The following VLDLR variants were observed in gnomAD, a reference collection of about 807,000 sequenced individuals.
The protein encoded by VLDLR is very low density lipoprotein receptor.
VLDLR carries 81 observed loss-of-function variants against 112.7 expected under a neutral mutation model. That is an observed-to-expected ratio of 0.72 (90% CI 0.60 to 0.86). VLDLR has a LOEUF of 0.86. Among genes scored for constraint, VLDLR ranks in the 40% least tolerant of loss-of-function variants. VLDLR has a pLI of 0.00. For synonymous variants in VLDLR, 436 were observed against 384.8 expected, an observed-to-expected ratio of 1.13 and a Z score of -1.56; for missense variants, 1,237 against 1,099.4, an observed-to-expected ratio of 1.13 and a Z score of -1.77.
intron 1 of VLDLR, among the ~76,000 whole-genome samples, chr9:2,633,031 GGAGA>G (rs71329438): frequency 0.019 from 2,636 of 138,508 alleles, 56 homozygotes; most frequent in African/African-American, 0.045. Flanking sequence ...ACTCCTTATT[GGAGA>G]GAGAGAGAGA....
At chr9:2,622,725 A>C (rs1816878256) in intron 1 of VLDLR, among the ~76,000 whole-genome samples, 4 of 152,124 alleles carry the variant, frequency 2.6e-5, no homozygotes, top group Admixed American at 2.6e-4. Flanking sequence ...CGGGGGGAGA[A>C]GGTGAGCGCC....
chr9:2,622,112 T>G lies in VLDLR; in HGVS notation c.-78T>G. The G allele has an allele frequency of 1.3e-5, 18 of 1,357,352 alleles. No homozygotes were observed. The highest frequency in any genetic ancestry group is 1.6e-5 in the Non-Finnish European group (16 of 1,024,890). 84.1% of individuals were successfully genotyped at this position (1,357,352 alleles called of 1,614,324 possible). A position where few individuals can be genotyped will look rare whatever the true frequency, so the allele number is the denominator to read the frequency against. On this transcript the variant is annotated 5_prime_UTR_variant, in exon 1 of 19. Transcript: ENST00000382100. ...TCCCCGCCCCCACCTTCTTCCTCCT[T>G]TCGGAAGGACTGGTAACTTGTCGTG...
At chr9:2,627,190 A>G (rs1174058349) in intron 1 of VLDLR, among the ~76,000 whole-genome samples, 1 of 152,266 alleles carries the variant, frequency 6.6e-6, no homozygotes, top group Non-Finnish European at 1.5e-5. Context: ...TAATCATAAA[A>G]GAGGCAGATA....
At chr9:2,629,166 G>T (rs536098804) in intron 1 of VLDLR, among the ~76,000 whole-genome samples, 18 of 152,370 alleles carry the variant, frequency 1.2e-4, no homozygotes, top group African/African-American at 4.3e-4. Context: ...AGCATTCTGT[G>T]TTTTAACAAG....
rs766381159 is a variant in VLDLR at position 2,650,505 on chromosome 9, G to A, written c.2240G>A (p.Arg747Gln). The A allele has an allele frequency of 5.0e-6, 8 of 1,613,696 alleles. 1 individual carries two copies. The South Asian group carries it at 6.6e-5, about 13-fold the overall frequency. The change falls in exon 15 of 19, where the codon CGA becomes CAA. Residue 747 changes from arginine to glutamine, a missense_variant. Physicochemically the swap from Arg to Gln is conservative, Grantham distance 43 (BLOSUM62 1). Transcript: ENST00000382100. Reference sequence around the variant, plus strand: ...GGGTACAATGTAGAGGAAAATGGCCGAGACTGTCAAAGTAAGGCATTTTGT... The same window carrying A: ...GGGTACAATGTAGAGGAAAATGGCCAAGACTGTCAAAGTAAGGCATTTTGT... ...PSGYNVEENG[R>Q]DCQSTATTVT... is the part of the protein sequence containing the mutation.
At chr9:2,633,372 A>T (rs1817454403) in intron 1 of VLDLR, among the ~76,000 whole-genome samples, 1 of 152,066 alleles carries the variant, frequency 6.6e-6, no homozygotes, top group African/African-American at 2.4e-5. Flanking sequence ...CAGCCTTGGG[A>T]TACTGTATGC....
chr9:2,643,579 A>G, intron 5 of VLDLR, 48 bp downstream of exon 5: 4 of 1,614,194 alleles, frequency 2.5e-6, no homozygotes, highest in Non-Finnish European at 3.4e-6. Context: ...CCCTGTATCA[A>G]CTGGGACAAT....
intron 1 of VLDLR, among the ~76,000 whole-genome samples, chr9:2,626,691 G>A (rs1021776090): frequency 1.3e-5 from 2 of 152,152 alleles, no homozygotes; most frequent in Non-Finnish European, 2.9e-5. Context: ...GCCAACTTGG[G>A]GGCCATCTGG....
intron 7 of VLDLR, 31 bp downstream of exon 7, chr9:2,643,990 C>T (rs1450141059): frequency 3.7e-6 from 6 of 1,613,796 alleles, no homozygotes; most frequent in Non-Finnish European, 5.1e-6. Flanking sequence ...AGTACAGATC[C>T]TGGAAGTTTG....
chr9:2,653,783 C>A (rs1160514279), intron 18 of VLDLR, 50 bp from the exon 19 acceptor site: 3 of 1,607,534 alleles, frequency 1.9e-6, no homozygotes, highest in East Asian at 2.2e-5. Flanking sequence ...ACTAGAGTTG[C>A]CATCAGTGAG....
chr9:2,623,484 A>G (rs1222335548), intron 1 of VLDLR, among the ~76,000 whole-genome samples: 1 of 152,206 alleles, frequency 6.6e-6, no homozygotes, highest in African/African-American at 2.4e-5. Flanking sequence ...GCCGGCCTGC[A>G]GTCACGTGCT....
At position 2,657,550 on chromosome 9, in the gene VLDLR, T is replaced by TA. The variant is rs1442500961; in HGVS notation, c.*3687dup. On this transcript the variant is annotated 3_prime_UTR_variant, in exon 19 of 19. Transcript: ENST00000382100. Reference sequence around the variant, plus strand: ...TTATTGTGGGTGATGAGGCGGTGCCTAAAAACCACATATATATAATCCCCT... The same window carrying TA: ...TTATTGTGGGTGATGAGGCGGTGCCTAAAAAACCACATATATATAATCCCCT... 5 of 150,386 alleles carry TA rather than the reference T, an allele frequency of 3.3e-5. No homozygotes were observed. Among genetic ancestry groups the TA allele is most frequent in the African/African-American group, 9.6e-5 (4 of 41,476 alleles). 9.3% of individuals were successfully genotyped at this position (150,386 alleles called of 1,614,324 possible). A position where few individuals can be genotyped will look rare whatever the true frequency, so the allele number is the denominator to read the frequency against.
chr9:2,637,836 G>T (rs528211933), intron 2 of VLDLR, among the ~76,000 whole-genome samples: 16 of 152,132 alleles, frequency 1.1e-4, no homozygotes, highest in Admixed American at 7.2e-4. Context: ...CCAGCTACTC[G>T]GGAGGCTGAG....
intron 14 of VLDLR, among the ~76,000 whole-genome samples, chr9:2,649,256 G>T (rs1003111420): frequency 3.9e-5 from 6 of 152,184 alleles, no homozygotes; most frequent in African/African-American, 1.4e-4. Flanking sequence ...TGCCAGGAGG[G>T]TTGGTGCCTC....
At chr9:2,624,585 G>T (rs2130756137) in intron 1 of VLDLR, among the ~76,000 whole-genome samples, 1 of 152,314 alleles carries the variant, frequency 6.6e-6, no homozygotes, top group South Asian at 2.1e-4. Flanking sequence ...GAGTCTAAAA[G>T]AACCAAGGTT....
intron 1 of VLDLR, among the ~76,000 whole-genome samples, chr9:2,624,058 C>T (rs565595484): frequency 1.3e-5 from 2 of 152,132 alleles, no homozygotes; most frequent in Admixed American, 1.3e-4. Flanking sequence ...ATGTCCCTTC[C>T]ACTAGAGGTT....
In VLDLR at chr9:2,639,845, A is replaced by G. The variant is rs200336236; in HGVS notation, c.203-14A>G. On this transcript the variant is annotated splice_polypyrimidine_tract_variant and intron_variant, in intron 2 of 18. Transcript: ENST00000382100. ...AATGACTTCAACTTTAACCCTTCAA[A>G]TAAACGTTTGTAGTAAAGAAGACGT... 8.7e-6 allele frequency: 14 copies of G among 1,613,988 alleles called. No individual in the cohort carries two copies. The highest frequency in any genetic ancestry group is 5.5e-5 in the South Asian group (5 of 91,080).
chr9:2,652,199 G>A (rs547636544), intron 17 of VLDLR, among the ~76,000 whole-genome samples: 3 of 152,256 alleles, frequency 2.0e-5, no homozygotes, highest in East Asian at 1.9e-4. Flanking sequence ...TTCTACTTCC[G>A]CACTGTTAAC....
chr9:2,638,424 T>C (rs1451174354), intron 2 of VLDLR, among the ~76,000 whole-genome samples: 6 of 152,224 alleles, frequency 3.9e-5, no homozygotes, highest in Non-Finnish European at 7.3e-5. Flanking sequence ...CAAATGTTCA[T>C]CAAATTGTGA....
Sources: allele counts gnomAD v4.1 joint callset (sites outside exome capture counted in the v4.1 genomes callset), GRCh38; gene constraint gnomAD v4.1.1; transcripts MANE v1.5; gene names NCBI Gene and HGNC (gene_info 2026-07-23, HGNC 2026-07-21).